The following PAN3 variants were observed in gnomAD, a reference collection of about 807,000 sequenced individuals.
PAN3 encodes the protein poly(A) specific ribonuclease subunit PAN3, also known as PAN2-PAN3 deadenylation complex subunit PAN3.
A neutral mutation model predicts 96.2 loss-of-function variants in PAN3; 19 were observed. The ratio of observed to expected loss-of-function variants is 0.20; its 90% CI spans 0.14 to 0.29. The LOEUF (loss-of-function observed/expected upper bound fraction) is 0.29. PAN3 is among the 10% of genes least tolerant of loss of function. The pLI is 1.00. For missense variants in PAN3, 882 were observed against 1,108.1 expected, an observed-to-expected ratio of 0.80 and a Z score of 2.90; for synonymous variants, 433 against 406.6, an observed-to-expected ratio of 1.06 and a Z score of -0.78.
intron 6 of PAN3, among the ~76,000 whole-genome samples, chr13:28,242,360 C>T (rs911667607): frequency 7.2e-5 from 11 of 152,162 alleles, no homozygotes; most frequent in Non-Finnish European, 1.3e-4. Flanking sequence ...AGGAGATCTT[C>T]ACCTCTAATC....
At position 28,194,450 on chromosome 13, in the gene PAN3, G is replaced by GTATATATA. The variant is rs1372227182; in HGVS notation, c.691-2725_691-2718dup. Among the ~76,000 whole-genome samples, 162 of 100,022 alleles carry GTATATATA rather than the reference G, an allele frequency of 1.6e-3. 1 individual carries two copies. Among genetic ancestry groups the GTATATATA allele is most frequent in the African/African-American group, 4.4e-3 (101 of 23,182 alleles). The allele number at this position is 100,022 out of a possible 152,430, so 65.6% of individuals were successfully genotyped here. A position where few individuals can be genotyped will look rare whatever the true frequency, so the allele number is the denominator to read the frequency against. On this transcript the variant is annotated intron_variant, in intron 4 of 18. Transcript: ENST00000380958. ...TGTGTATATATACATATATATGTAT[G>GTATATATA]TATATATATATATATATTTTTTTTT...
intron 1 of PAN3, among the ~76,000 whole-genome samples, chr13:28,143,850 G>A (rs1870197331): frequency 2.6e-5 from 4 of 152,184 alleles, no homozygotes; most frequent in African/African-American, 9.7e-5. Flanking sequence ...TCAAATGTTA[G>A]CTTTGGAATA....
At chr13:28,255,664 T>C (rs1364585606) in intron 6 of PAN3, among the ~76,000 whole-genome samples, 3 of 152,116 alleles carry the variant, frequency 2.0e-5, no homozygotes, top group Non-Finnish European at 2.9e-5. Context: ...TATGCCTGTT[T>C]AGAGTTAATG....
chr13:28,152,762 C>A (rs1871534678), intron 1 of PAN3, among the ~76,000 whole-genome samples: 1 of 152,092 alleles, frequency 6.6e-6, no homozygotes, highest in Non-Finnish European at 1.5e-5. Context: ...AAAACTCTGG[C>A]AGTTTACAGA....
At chr13:28,193,046 C>T (rs1329103382) in intron 4 of PAN3, among the ~76,000 whole-genome samples, 1 of 152,134 alleles carries the variant, frequency 6.6e-6, no homozygotes, top group Non-Finnish European at 1.5e-5. Flanking sequence ...TTGGGTCACA[C>T]ATAAAATACA....
chr13:28,273,091 G>A (rs1425184370), intron 14 of PAN3, among the ~76,000 whole-genome samples: 1 of 151,976 alleles, frequency 6.6e-6, no homozygotes, highest in African/African-American at 2.4e-5. Flanking sequence ...GTTTTCATAG[G>A]TTTGTTATTG....
intron 5 of PAN3, among the ~76,000 whole-genome samples, chr13:28,205,084 C>T (rs1879188272): frequency 6.6e-6 from 1 of 151,812 alleles, no homozygotes; most frequent in African/African-American, 2.4e-5. Flanking sequence ...TTGCTTGTTA[C>T]TGCTTCCTTT....
intron 5 of PAN3, 78 bp from the exon 6 acceptor site, chr13:28,220,153 T>C (rs767152792): frequency 9.6e-6 from 13 of 1,358,432 alleles, no homozygotes; most frequent in Non-Finnish European, 1.0e-6. Context: ...AATAAAGCAC[T>C]GTGGAATATG....
At chr13:28,228,348 A>T (rs1882212403) in intron 6 of PAN3, among the ~76,000 whole-genome samples, 1 of 152,154 alleles carries the variant, frequency 6.6e-6, no homozygotes, top group Non-Finnish European at 1.5e-5. Context: ...GTAGGGTCTT[A>T]GTAAAAGGAG....
intron 17 of PAN3, among the ~76,000 whole-genome samples, chr13:28,283,862 A>ACC (rs1368025361): frequency 6.6e-6 from 1 of 152,132 alleles, no homozygotes; most frequent in Admixed American, 6.5e-5. Context: ...TGTGCTCCTA[A>ACC]CCACTATGCT....
At chr13:28,164,963 A>G (rs9554281) in intron 1 of PAN3, among the ~76,000 whole-genome samples, 18,776 of 152,222 alleles carry the variant, frequency 0.12, 1,336 homozygotes, top group East Asian at 0.33. Flanking sequence ...GCTGGAGCGC[A>G]GTGGCGCGAT....
At chr13:28,285,048 A>G (rs1868811026) in intron 17 of PAN3, among the ~76,000 whole-genome samples, 1 of 152,188 alleles carries the variant, frequency 6.6e-6, no homozygotes, top group Admixed American at 6.5e-5. Context: ...TTCTTTATAT[A>G]GTTATAGCAA....
intron 12 of PAN3, among the ~76,000 whole-genome samples, chr13:28,269,680 C>T (rs1886451819): frequency 6.6e-6 from 1 of 152,090 alleles, no homozygotes. Flanking sequence ...AGTTCATAGT[C>T]ATTTTTCACA....
chr13:28,139,936 GTGTTGTTGTTGTTGT>G (rs568234142), intron 1 of PAN3, among the ~76,000 whole-genome samples: 1 of 151,644 alleles, frequency 6.6e-6, no homozygotes, highest in Non-Finnish European at 1.5e-5. Context: ...TCTTTTTCAT[GTGTTGTTGTTGTTGT>G]TGTTGTTGTT....
chr13:28,138,434 T>A (rs1207247641), upstream of PAN3: 17 of 301,062 alleles, frequency 5.6e-5, no homozygotes, highest in African/African-American at 1.4e-4. Context: ...AGAGAGTGAG[T>A]GAGAGAATCC....
chr13:28,158,349 G>T lies in PAN3; in HGVS notation c.431-15923G>T, dbSNP rs540887904. On this transcript the variant is annotated intron_variant, in intron 1 of 18. Coordinates refer to ENST00000380958, the MANE Select transcript of PAN3 (RefSeq NM_175854.8). ...ACAACAACAAAAAATTGACAAATGA[G>T]ACCTAATTAAAGAGCTTCTGCACAG... Among the ~76,000 whole-genome samples, 3 of 152,276 alleles carry T rather than the reference G, an allele frequency of 2.0e-5. No homozygotes were observed. The East Asian group carries it at 5.8e-4, about 29-fold the overall frequency.
intron 6 of PAN3, among the ~76,000 whole-genome samples, chr13:28,235,676 C>G (rs34521869): frequency 0.14 from 19,919 of 143,032 alleles, 1,565 homozygotes; most frequent in East Asian, 0.33. Flanking sequence ...TTGTCTTTCT[C>G]TAATATACAC....
At chr13:28,175,585 T>G (rs531818985) in intron 2 of PAN3, among the ~76,000 whole-genome samples, 152 of 152,194 alleles carry the variant, frequency 1.0e-3, no homozygotes, top group Non-Finnish European at 1.9e-3. Context: ...TTGGACTGAT[T>G]TTAAGGGTTT....
At chr13:28,192,744 G>A (rs1877453272) in intron 4 of PAN3, among the ~76,000 whole-genome samples, 1 of 152,142 alleles carries the variant, frequency 6.6e-6, no homozygotes, top group Admixed American at 6.5e-5. Flanking sequence ...AACAGTTCCT[G>A]ATACAAAGTA....
Sources: gnomAD v4.1 joint callset for allele counts (sites outside exome capture counted in the v4.1 genomes callset) on GRCh38, gnomAD v4.1.1 for gene constraint, MANE v1.5 for transcripts, NCBI Gene and HGNC (gene_info 2026-07-23, HGNC 2026-07-21) for gene names.